Variants in RGS12 observed in about 807,000 individuals in gnomAD.
RGS12 encodes the protein regulator of G protein signaling 12.
A neutral mutation model predicts 120.1 loss-of-function variants in RGS12; 66 were observed. The ratio of observed to expected loss-of-function variants is 0.55; its 90% CI spans 0.45 to 0.67. The LOEUF (loss-of-function observed/expected upper bound fraction) is 0.67, where lower values mean the gene tolerates loss of function less well. Ranked by LOEUF, RGS12 falls within the 30% of genes least tolerant of loss-of-function variation. The probability of loss-of-function intolerance (pLI) is 0.00; values close to 1 mark genes in which losing one functional copy is unlikely to be tolerated. For synonymous variants in RGS12, 827 were observed against 804.7 expected, an observed-to-expected ratio of 1.03 and a Z score of -0.47; for missense variants, 1,859 against 1,957.7, an observed-to-expected ratio of 0.95 and a Z score of 0.95.
chr4:3,386,155 T>C (rs1718827974), intron 3 of RGS12: 3 of 544,246 alleles, frequency 5.5e-6, no homozygotes, highest in South Asian at 5.2e-5. Flanking sequence ...ACTAAGACTG[T>C]AATGTCAGAC....
chr4:3,398,472 A>C (rs983006347), intron 4 of RGS12, among the ~76,000 whole-genome samples: 11 of 152,238 alleles, frequency 7.2e-5, no homozygotes, highest in Admixed American at 3.3e-4. Context: ...TTCTGAAAAC[A>C]AACAAACAAA....
intron 4 of RGS12, among the ~76,000 whole-genome samples, chr4:3,402,003 A>G (rs1402539846): frequency 6.6e-6 from 1 of 152,196 alleles, no homozygotes; most frequent in Admixed American, 6.5e-5. Flanking sequence ...CACCCCTGGG[A>G]AGGGGCCAGA....
chr4:3,345,075 G>C (rs1158537815), intron 3 of RGS12, among the ~76,000 whole-genome samples: 1 of 152,370 alleles, frequency 6.6e-6, no homozygotes, highest in Middle Eastern at 3.4e-3. Flanking sequence ...TGAATATTCA[G>C]GGAGGTCAAG....
At position 3,422,620 on chromosome 4, in the gene RGS12, G is replaced by A. The variant is rs777869019; in HGVS notation, c.3033+50G>A. On this transcript the variant is annotated intron_variant, in intron 11 of 17. Transcript: ENST00000336727. ...GCTGCCCTCAGGCCATGACCTCCCC[G>A]CTCCCTGGCCCCCAGCTTTGTCAGA... is the stretch of plus-strand genomic sequence containing the variant. 1.7e-5 allele frequency: 27 copies of A among 1,556,362 alleles called. 1 individual carries two copies. The East Asian group carries it at 3.0e-4, about 17-fold the overall frequency.
intron 2 of RGS12, chr4:3,324,434 GTC>G: frequency 8.1e-6 from 2 of 246,680 alleles, no homozygotes; most frequent in South Asian, 9.0e-5. Flanking sequence ...CAGGCCAACA[GTC>G]TCTGCTTCTT....
At chr4:3,367,073 C>T (rs1716388175) in intron 3 of RGS12, among the ~76,000 whole-genome samples, 1 of 152,186 alleles carries the variant, frequency 6.6e-6, no homozygotes, top group Non-Finnish European at 1.5e-5. Context: ...CCCCCCTGCT[C>T]ACCCTGGGTT....
At chr4:3,326,775 A>G (rs71608274) in intron 2 of RGS12, among the ~76,000 whole-genome samples, 7 of 152,244 alleles carry the variant, frequency 4.6e-5, no homozygotes, top group Non-Finnish European at 5.9e-5. Flanking sequence ...AGATTTCCAC[A>G]AGGAAAACTA....
chr4:3,407,144 G>A (rs549396290), intron 4 of RGS12, among the ~76,000 whole-genome samples: 10 of 152,302 alleles, frequency 6.6e-5, no homozygotes, highest in East Asian at 5.8e-4. Flanking sequence ...GTGGAGTAGC[G>A]TGTTGGGAGG....
At chr4:3,345,614 G>A (rs1397336046) in intron 3 of RGS12, among the ~76,000 whole-genome samples, 2 of 152,300 alleles carry the variant, frequency 1.3e-5, no homozygotes, top group Middle Eastern at 3.4e-3. Flanking sequence ...GCCCTCAGGC[G>A]CAGTCTACCT....
In RGS12 at chr4:3,416,059, C is replaced by G. The variant is rs767712059; in HGVS notation, c.2365C>G (p.Gln789Glu). ...TTPVNIDSQA[Q>E]LADDVLRAPH... ...CCCGGTCAACATCGACAGCCAGGCCCAGCTAGCAGACGACGTCCTCCGCGC... is the reference window on the plus strand; with the variant it reads ...CCCGGTCAACATCGACAGCCAGGCCGAGCTAGCAGACGACGTCCTCCGCGC... Residue 789 changes from glutamine to glutamate, a missense_variant, in exon 7 of 18, where the codon CAG becomes GAG. By Grantham distance (29) the Gln-to-Glu change is conservative (BLOSUM62 2). This residue lies in a region of RGS12 where 375 missense variants were observed against 475.0 expected (regional missense o/e 0.79). Transcript: ENST00000336727. 3.7e-6 allele frequency: 6 copies of G among 1,614,084 alleles called. No homozygotes were observed. The highest frequency in any genetic ancestry group is 2.5e-6 in the Non-Finnish European group (3 of 1,180,020).
chr4:3,308,590 A>AC (rs1294349758), intron 1 of RGS12, among the ~76,000 whole-genome samples: 1 of 152,200 alleles, frequency 6.6e-6, no homozygotes, highest in Non-Finnish European at 1.5e-5. Flanking sequence ...TCCCCAGGCC[A>AC]CCACCTGGCT....
intron 4 of RGS12, among the ~76,000 whole-genome samples, chr4:3,398,630 G>A (rs936885150): frequency 1.3e-5 from 2 of 152,050 alleles, no homozygotes; most frequent in African/African-American, 2.4e-5. Flanking sequence ...TGCACCAAAA[G>A]TAGCATGAGA....
chr4:3,429,798 G>GA (rs534517761), intron 16 of RGS12, among the ~76,000 whole-genome samples: 147 of 152,330 alleles, frequency 9.7e-4, no homozygotes, highest in African/African-American at 3.5e-3. Context: ...TGCGGAGAGG[G>GA]AGAGCACGTG....
chr4:3,436,055 G>A (rs1353430283), intron 17 of RGS12, among the ~76,000 whole-genome samples: 1 of 152,162 alleles, frequency 6.6e-6, no homozygotes, highest in Admixed American at 6.5e-5. Flanking sequence ...TATTTGAGGA[G>A]CTCTATCCCA....
chr4:3,390,092 C>G lies in RGS12; in HGVS notation c.2020+3655C>G, dbSNP rs1430480703. On this transcript the variant is annotated intron_variant, in intron 4 of 17. Transcript: ENST00000336727. The surrounding 1 kb of genome is among the most constrained non-coding windows in gnomAD (Gnocchi z 4.6). The stretch of plus-strand genomic sequence containing the variant: ...ACAGCAGCAGCAGTGATCTGCCCAG[C>G]CCCTGCACTGGACCCCTCCACCAGC... 3.3e-5 allele frequency among the ~76,000 whole-genome samples: 5 copies of G among 152,184 alleles called. No homozygotes were observed. The highest frequency in any genetic ancestry group is 2.6e-4 in the Admixed American group (4 of 15,284).
In RGS12 at chr4:3,317,286, T is replaced by C. The variant is rs1411611719; in HGVS notation, c.1116T>C (p.Cys372=). The part of the protein sequence containing the change: ...ECTADPDTNG[C]LEFPASSLPV... ...CGGCCGACCCAGACACCAATGGCTG[T>C]CTGGAATTCCCGGCGTCCTCCCTCC... Residue 372 remains cysteine, a synonymous_variant, in exon 2 of 18, where the codon TGT becomes TGC. Transcript: ENST00000336727. The C allele has an allele frequency of 6.2e-7, 1 of 1,613,956 alleles. No homozygotes were observed. The highest frequency in any genetic ancestry group is 1.3e-5 in the African/African-American group (1 of 74,904).
In RGS12 at chr4:3,365,041, G is replaced by T. The variant is rs1435641389; in HGVS notation, c.1999-21375G>T. ...GCTGCACCTTTCCAGGGGAGCAGAA[G>T]GGGCATCCTGGGTGACAGGAGGATG... On this transcript the variant is annotated intron_variant, in intron 3 of 17. Coordinates refer to ENST00000336727, the MANE Select transcript of RGS12 (RefSeq NM_001394154.1). The surrounding 1 kb of genome is among the most constrained non-coding windows in gnomAD (Gnocchi z 4.0). Among the ~76,000 whole-genome samples, 1 of 152,128 alleles carries T rather than the reference G, an allele frequency of 6.6e-6. No homozygotes were observed. The highest frequency in any genetic ancestry group is 1.9e-4 in the East Asian group (1 of 5,170).
intron 3 of RGS12, among the ~76,000 whole-genome samples, chr4:3,364,566 G>A (rs1302635965): frequency 6.6e-6 from 1 of 152,056 alleles, no homozygotes; most frequent in Non-Finnish European, 1.5e-5. Context: ...CGTGGCCCCC[G>A]GAAACGAGGC....
Position 3,416,207 on chromosome 4 carries a change from G to T in RGS12, c.2427+86G>T. ...ACCTTCAAAGAACACGTGCTATCAG[G>T]CAGGCCAGTGGATCGAGAGCATCAC... is the stretch of plus-strand genomic sequence containing the variant. On this transcript the variant is annotated intron_variant, in intron 7 of 17. Transcript: ENST00000336727. 2.0e-6 allele frequency: 3 copies of T among 1,473,692 alleles called. No individual in the cohort carries two copies. In the South Asian group the frequency reaches 3.8e-5, roughly 19 times the overall value. The allele number at this position is 1,473,692 out of a possible 1,614,324, so 91.3% of individuals were successfully genotyped here.
Sources: gnomAD v4.1 joint callset for allele counts (sites outside exome capture counted in the v4.1 genomes callset) on GRCh38, gnomAD v4.1.1 for gene constraint, gnomAD v4.1.1 regional missense constraint, Gnocchi (gnomAD v3.1) non-coding constraint, MANE v1.5 for transcripts, NCBI Gene and HGNC (gene_info 2026-07-23, HGNC 2026-07-21) for gene names.